Variants in KCNJ12 observed in about 807,000 individuals in gnomAD.
KCNJ12 encodes potassium inwardly rectifying channel subfamily J member 12, also known as ATP-sensitive inward rectifier potassium channel 12.
In KCNJ12, 2 loss-of-function variants were observed where a neutral mutation model predicts 22.3. The ratio of observed to expected loss-of-function variants is 0.09; its 90% CI spans 0.04 to 0.28. The LOEUF is 0.28. Among genes scored for constraint, KCNJ12 ranks in the 10% least tolerant of loss-of-function variants. The probability of loss-of-function intolerance (pLI) is 1.00; values close to 1 mark genes in which losing one functional copy is unlikely to be tolerated. For missense variants in KCNJ12, 155 were observed against 633.3 expected (o/e 0.24, Z 8.11); for synonymous variants, 117 against 261.4 (o/e 0.45, Z 5.33).
chr17:21,402,753 C>T (rs1256615185), intron 1 of KCNJ12, among the ~76,000 whole-genome samples: 4 of 152,302 alleles, frequency 2.6e-5, no homozygotes, highest in Admixed American at 1.3e-4. Context: ...TTATGGGGGG[C>T]TGAGGCCCTA....
chr17:21,397,931 C>T (rs1905426951), intron 1 of KCNJ12, among the ~76,000 whole-genome samples: 3 of 152,188 alleles, frequency 2.0e-5, no homozygotes, highest in Admixed American at 1.3e-4. Flanking sequence ...CTTCTTTCAG[C>T]CTCTTTGTGC....
intron 2 of KCNJ12, among the ~76,000 whole-genome samples, chr17:21,408,846 C>T (rs1488001190): frequency 5.9e-5 from 9 of 152,414 alleles, no homozygotes; most frequent in African/African-American, 1.7e-4. Context: ...GTTCCTCACC[C>T]ATTCCCCCAC....
intron 1 of KCNJ12, among the ~76,000 whole-genome samples, chr17:21,384,773 T>TG (rs1235003099): frequency 2.0e-5 from 3 of 148,798 alleles, no homozygotes; most frequent in African/African-American, 7.3e-5. Context: ...TTTGTTTGTT[T>TG]TTTTTTTTTT....
At chr17:21,414,712 G>T (rs1392578748) in intron 2 of KCNJ12, among the ~76,000 whole-genome samples, 6 of 152,312 alleles carry the variant, frequency 3.9e-5, no homozygotes, top group Admixed American at 2.0e-4. Flanking sequence ...TGTCTTGCGG[G>T]AGGGTGTCCA....
chr17:21,387,664 G>A (rs1555558847), intron 1 of KCNJ12, among the ~76,000 whole-genome samples: 2 of 152,004 alleles, frequency 1.3e-5, no homozygotes, highest in Non-Finnish European at 2.9e-5. Flanking sequence ...TTATTATTAT[G>A]TCTGTCAGCA....
At chr17:21,403,828 A>T (rs1597571799) in intron 1 of KCNJ12, among the ~76,000 whole-genome samples, 1 of 152,312 alleles carries the variant, frequency 6.6e-6, no homozygotes, top group East Asian at 1.9e-4. Context: ...ATAGGTGAGA[A>T]AACTGCGGTT....
intron 1 of KCNJ12, among the ~76,000 whole-genome samples, chr17:21,395,490 A>G (rs1228291033): frequency 7.4e-6 from 1 of 134,476 alleles, no homozygotes; most frequent in African/African-American, 2.7e-5. Context: ...CTGAGGCAGG[A>G]GAGTTGCTTG....
intron 1 of KCNJ12, among the ~76,000 whole-genome samples, chr17:21,377,657 T>G (rs1904713216): frequency 6.6e-6 from 1 of 151,866 alleles, no homozygotes; most frequent in African/African-American, 2.4e-5. Context: ...CAGAGACAGC[T>G]GGGGTGGGGC....
At chr17:21,413,502 TG>T (rs1906495411) in intron 2 of KCNJ12, among the ~76,000 whole-genome samples, 1 of 150,616 alleles carries the variant, frequency 6.6e-6, no homozygotes, top group East Asian at 2.0e-4. Context: ...CTGGGGGTGC[TG>T]GGTCCCTGTG....
At chr17:21,382,930 T>C (rs1162586923) in intron 1 of KCNJ12, among the ~76,000 whole-genome samples, 2 of 152,102 alleles carry the variant, frequency 1.3e-5, no homozygotes, top group Non-Finnish European at 2.9e-5. Flanking sequence ...ACCTCCACTG[T>C]GGGAGCGGGC....
rs1250022192 is a variant in KCNJ12 at position 21,419,528 on chromosome 17, C to A, written c.*2884C>A. ...GACATCTGGAGGTGAGCGTGTGCGT[C>A]CGGCTCGTGTGTAGGAGGCTGTGTG... is the stretch of plus-strand genomic sequence containing the variant. On this transcript the variant is annotated 3_prime_UTR_variant, in exon 3 of 3. Coordinates refer to ENST00000583088, the MANE Select transcript of KCNJ12 (RefSeq NM_021012.5). 4 of 167,180 alleles carry A rather than the reference C, an allele frequency of 2.4e-5. No homozygotes were observed. The Admixed American group carries it at 2.6e-4, about 11-fold the overall frequency. 10.4% of individuals were successfully genotyped at this position (167,180 alleles called of 1,614,324 possible). A position where few individuals can be genotyped will look rare whatever the true frequency, so the allele number is the denominator to read the frequency against.
At position 21,415,936 on chromosome 17, in the gene KCNJ12, C is replaced by A; in HGVS notation, c.594C>A (p.His198Gln). Residue 198 changes from histidine to glutamine, a missense_variant, in exon 3 of 3, where the codon CAC (histidine) becomes CAA (glutamine). Physicochemically the swap from His to Gln is conservative, Grantham distance 24. Coordinates refer to ENST00000583088, the MANE Select transcript of KCNJ12 (RefSeq NM_021012.5). Reference sequence around the variant, plus strand: ...GGGCACAGACGCTGCTGTTCAGCCACAACGCCGTGGTGGCCCTGCGTGACG... The same window carrying A: ...GGGCACAGACGCTGCTGTTCAGCCAAAACGCCGTGGTGGCCCTGCGTGACG... ...KKRAQTLLFS[H>Q]NAVVALRDGK... The A allele has an allele frequency of 6.2e-7, 1 of 1,609,784 alleles. No homozygotes were observed. Among genetic ancestry groups the A allele is most frequent in the Non-Finnish European group, 8.5e-7 (1 of 1,178,492 alleles).
intron 1 of KCNJ12, among the ~76,000 whole-genome samples, chr17:21,400,488 C>G (rs1905541949): frequency 6.6e-6 from 1 of 152,310 alleles, no homozygotes; most frequent in African/African-American, 2.4e-5. Context: ...GAGCCGGGCA[C>G]AGGGCTGACC....
chr17:21,378,255 G>A (rs1904738260), intron 1 of KCNJ12, among the ~76,000 whole-genome samples: 2 of 152,256 alleles, frequency 1.3e-5, no homozygotes, highest in Non-Finnish European at 2.9e-5. Context: ...GCCGCCCTGT[G>A]GCGGGCGAGG....
In KCNJ12 at chr17:21,404,240, C is replaced by G. The variant is rs1476465949; in HGVS notation, c.-178-4279C>G. On this transcript the variant is annotated intron_variant, in intron 1 of 2. Transcript: ENST00000583088. ...AGTGCCTGGAGAGTGAAGCTGGAAT[C>G]TGCACCAAGACTGCAGGACTCTGGT... is the stretch of plus-strand genomic sequence containing the variant. Among the ~76,000 whole-genome samples the G allele has an allele frequency of 7.2e-5, 11 of 152,302 alleles. No individual in the cohort carries two copies. In the South Asian group the frequency reaches 2.3e-3, roughly 31 times the overall value.
At chr17:21,380,082 C>T (rs971230971) in intron 1 of KCNJ12, among the ~76,000 whole-genome samples, 7 of 152,148 alleles carry the variant, frequency 4.6e-5, no homozygotes, top group Admixed American at 2.6e-4. Flanking sequence ...CCCTCAGGGG[C>T]ATTTGACTGC....
Position 21,376,377 on chromosome 17 carries a change from G to C in KCNJ12, c.-715G>C, listed in dbSNP as rs1904648050. On this transcript the variant is annotated 5_prime_UTR_variant, in exon 1 of 3. Transcript: ENST00000583088. This position sits in a 1 kb window ranked among gnomAD's most constrained non-coding sequence, Gnocchi z 5.3. ...TAGAGGAGTTGCCGAGCTGAGCTCC[G>C]GTGGAGCGAGGCGCGGAGCTGGGTG... 4 of 151,858 alleles carry C rather than the reference G, an allele frequency of 2.6e-5. No homozygotes were observed. In the South Asian group the frequency reaches 8.3e-4, roughly 31 times the overall value. The allele number at this position is 151,858 out of a possible 1,614,324, so 9.4% of individuals were successfully genotyped here. A position where few individuals can be genotyped will look rare whatever the true frequency, so the allele number is the denominator to read the frequency against.
intron 1 of KCNJ12, among the ~76,000 whole-genome samples, chr17:21,390,578 A>G (rs1441458291): frequency 6.6e-6 from 1 of 152,190 alleles, no homozygotes; most frequent in Non-Finnish European, 1.5e-5. Context: ...GAGGGGGAGC[A>G]ATTGCAGGGT....
chr17:21,391,139 G>A (rs972313912), intron 1 of KCNJ12, among the ~76,000 whole-genome samples: 1 of 152,226 alleles, frequency 6.6e-6, no homozygotes, highest in East Asian at 1.9e-4. Flanking sequence ...CATCAGCACC[G>A]CCTTCCTTGC....
Sources: allele counts gnomAD v4.1 joint callset (sites outside exome capture counted in the v4.1 genomes callset), GRCh38; gene constraint gnomAD v4.1.1; non-coding constraint Gnocchi (gnomAD v3.1); transcripts MANE v1.5; gene names NCBI Gene and HGNC (gene_info 2026-07-23, HGNC 2026-07-21).